The following TAFA1 variants were observed in gnomAD, a reference collection of about 807,000 sequenced individuals.
TAFA1 encodes the protein TAFA chemokine like family member 1.
A neutral mutation model predicts 18.5 loss-of-function variants in TAFA1; 4 were observed. That is an observed-to-expected ratio of 0.22 (90% CI 0.11 to 0.49). TAFA1 has a LOEUF of 0.49. TAFA1 is among the 20% of genes least tolerant of loss of function. The probability of loss-of-function intolerance (pLI) is 0.98; values close to 1 mark genes in which losing one functional copy is unlikely to be tolerated. For synonymous variants in TAFA1, 56 were observed against 55.2 expected, an observed-to-expected ratio of 1.01 and a Z score of -0.06; for missense variants, 147 against 169.0, an observed-to-expected ratio of 0.87 and a Z score of 0.72.
chr3:68,427,527 G>A (rs1221125161), intron 3 of TAFA1, among the ~76,000 whole-genome samples: 2 of 151,892 alleles, frequency 1.3e-5, no homozygotes, highest in African/African-American at 2.4e-5. Context: ...ATATAAGGAA[G>A]TAGTAAAACT....
chr3:68,269,954 C>T (rs1387232961), intron 2 of TAFA1, among the ~76,000 whole-genome samples: 4 of 152,042 alleles, frequency 2.6e-5, no homozygotes, highest in Admixed American at 6.6e-5. Flanking sequence ...TTTCTGTGGT[C>T]GAACCTGTTA....
rs558767357 is a variant in TAFA1 at position 68,172,651 on chromosome 3, A to C, written c.118+165907A>C. On this transcript the variant is annotated intron_variant, in intron 2 of 4. Transcript: ENST00000478136. ...ATCAGCTGCTGAATCAATAAATAAA[A>C]TAAGTTGTATATACAAGAGAATATT... Among the ~76,000 whole-genome samples the C allele has an allele frequency of 2.3e-4, 35 of 152,306 alleles. No homozygotes were observed. The East Asian group carries it at 3.1e-3, about 13-fold the overall frequency.
chr3:68,017,027 G>C (rs906744589), intron 2 of TAFA1, among the ~76,000 whole-genome samples: 2 of 152,128 alleles, frequency 1.3e-5, no homozygotes, highest in East Asian at 3.9e-4. Context: ...GAACACCACT[G>C]TTCTATAGAG....
At chr3:68,063,181 A>T (rs2064627555) in intron 2 of TAFA1, among the ~76,000 whole-genome samples, 1 of 152,220 alleles carries the variant, frequency 6.6e-6, no homozygotes, top group African/African-American at 2.4e-5. Flanking sequence ...CAGCAAATTC[A>T]CATTAAAAAG....
intron 3 of TAFA1, among the ~76,000 whole-genome samples, chr3:68,448,544 C>T (rs1055484130): frequency 6.6e-6 from 1 of 151,874 alleles, no homozygotes; most frequent in African/African-American, 2.4e-5. Flanking sequence ...TAGTTTGTTG[C>T]ATTCTTTCAT....
At chr3:68,353,458 A>T (rs1420833032) in intron 2 of TAFA1, among the ~76,000 whole-genome samples, 1 of 152,096 alleles carries the variant, frequency 6.6e-6, no homozygotes, top group Non-Finnish European at 1.5e-5. Flanking sequence ...GCACTCTAGT[A>T]GTAATTTTTA....
At position 68,392,327 on chromosome 3, in the gene TAFA1, C is replaced by A. The variant is rs895921072; in HGVS notation, c.119-24953C>A. Among the ~76,000 whole-genome samples, 4 of 151,888 alleles carry A rather than the reference C, an allele frequency of 2.6e-5. No homozygotes were observed. In the East Asian group the frequency reaches 7.7e-4, roughly 29 times the overall value. On this transcript the variant is annotated intron_variant, in intron 2 of 4. Transcript: ENST00000478136. ...AAGAGCTAACTATCCTAAATAAATA[C>A]GCATCCAATACAGGAGCACCCAGAT...
At chr3:68,266,575 G>T (rs1354325852) in intron 2 of TAFA1, among the ~76,000 whole-genome samples, 1 of 152,108 alleles carries the variant, frequency 6.6e-6, no homozygotes, top group Non-Finnish European at 1.5e-5. Context: ...CCTTTACCGA[G>T]ACTTGTTGCA....
intron 3 of TAFA1, among the ~76,000 whole-genome samples, chr3:68,445,372 A>G (rs1254711367): frequency 2.0e-5 from 3 of 152,158 alleles, no homozygotes; most frequent in African/African-American, 7.2e-5. Flanking sequence ...CTTTTGTAGA[A>G]TTCAGCACTG....
At chr3:68,003,803 G>A (rs1020986354), upstream of TAFA1, among the ~76,000 whole-genome samples, 1 of 152,114 alleles carries the variant, frequency 6.6e-6, no homozygotes, top group Non-Finnish European at 1.5e-5. Flanking sequence ...AGTTCAGAAG[G>A]TTTTTATTGG....
In TAFA1 at chr3:68,439,412, C is replaced by CATATATATATATATATATATATATAT. The variant is rs57059146; in HGVS notation, c.259+21999_259+22024dup. Among the ~76,000 whole-genome samples, 111 of 73,400 alleles carry CATATATATATATATATATATATATAT rather than the reference C, an allele frequency of 1.5e-3. 3 individuals are homozygous for CATATATATATATATATATATATATAT. Among genetic ancestry groups the CATATATATATATATATATATATATAT allele is most frequent in the Non-Finnish European group, 2.1e-3 (88 of 41,362 alleles). The allele number at this position is 73,400 out of a possible 152,430, so 48.2% of individuals were successfully genotyped here. On this transcript the variant is annotated intron_variant, in intron 3 of 4. Transcript: ENST00000478136. Reference sequence around the variant, plus strand: ...AGAAGTAATAGAATATATATACATACATATATATATATATATATATATATA... The same window carrying CATATATATATATATATATATATATAT: ...AGAAGTAATAGAATATATATACATACATATATATATATATATATATATATATATATATATATATATATATATATATA...
At chr3:68,312,346 C>A (rs2068535082) in intron 2 of TAFA1, among the ~76,000 whole-genome samples, 1 of 152,218 alleles carries the variant, frequency 6.6e-6, no homozygotes, top group Admixed American at 6.5e-5. Context: ...TCTTTTCTAT[C>A]ACATTGACAG....
intron 2 of TAFA1, among the ~76,000 whole-genome samples, chr3:68,243,550 G>A (rs923520317): frequency 6.6e-6 from 1 of 151,916 alleles, no homozygotes; most frequent in Admixed American, 6.6e-5. Flanking sequence ...AAATCATATC[G>A]TATATACCCT....
chr3:68,488,595 T>G (rs988900842), intron 3 of TAFA1, among the ~76,000 whole-genome samples: 8 of 152,226 alleles, frequency 5.3e-5, no homozygotes, highest in African/African-American at 9.6e-5. Context: ...CTTTTGATCT[T>G]GAGAAAATTC....
At chr3:68,062,331 G>T (rs2064615236) in intron 2 of TAFA1, among the ~76,000 whole-genome samples, 1 of 152,080 alleles carries the variant, frequency 6.6e-6, no homozygotes, top group East Asian at 1.9e-4. Context: ...TGCCATATGG[G>T]GCTTCAGGCC....
At chr3:68,389,231 C>G (rs1302805847) in intron 2 of TAFA1, among the ~76,000 whole-genome samples, 2 of 152,148 alleles carry the variant, frequency 1.3e-5, no homozygotes, top group African/African-American at 2.4e-5. Context: ...CGCATGTCAA[C>G]TTAAATATAA....
chr3:68,437,156 G>A lies in TAFA1; in HGVS notation c.259+19736G>A, dbSNP rs75803089. On this transcript the variant is annotated intron_variant, in intron 3 of 4. Transcript: ENST00000478136. The stretch of plus-strand genomic sequence containing the variant: ...CCTATAAATATGCCACCAATGCATC[G>A]CAAGTTTGGCTGTAAGCCTTCTAAC... 5.2e-3 allele frequency among the ~76,000 whole-genome samples: 785 copies of A among 152,264 alleles called. 12 individuals are homozygous for A. Among genetic ancestry groups the A allele is most frequent in the African/African-American group, 0.018 (744 of 41,550 alleles).
At chr3:68,017,569 C>T (rs538404412) in intron 2 of TAFA1, among the ~76,000 whole-genome samples, 2 of 152,264 alleles carry the variant, frequency 1.3e-5, no homozygotes, top group South Asian at 4.1e-4. Flanking sequence ...TGCTAACCAT[C>T]TTCAGAGTAT....
intron 2 of TAFA1, among the ~76,000 whole-genome samples, chr3:68,116,368 T>A (rs2065325133): frequency 6.6e-6 from 1 of 152,214 alleles, no homozygotes; most frequent in Non-Finnish European, 1.5e-5. Context: ...GGCTTTCTTA[T>A]ATAAATAAAG....
Sources: allele counts gnomAD v4.1 joint callset (sites outside exome capture counted in the v4.1 genomes callset), GRCh38; gene constraint gnomAD v4.1.1; transcripts MANE v1.5; gene names NCBI Gene and HGNC (gene_info 2026-07-23, HGNC 2026-07-21).